The following STX1A variants were observed in gnomAD, a reference collection of about 807,000 sequenced individuals.
The protein encoded by STX1A is syntaxin 1A.
A neutral mutation model predicts 37.8 loss-of-function variants in STX1A; 4 were observed. That is an observed-to-expected ratio of 0.11 (90% CI 0.05 to 0.24). The LOEUF is 0.24. STX1A is among the 10% of genes least tolerant of loss of function. The pLI is 1.00. For synonymous variants in STX1A, 135 were observed against 147.4 expected, an observed-to-expected ratio of 0.92 and a Z score of 0.61; for missense variants, 251 against 399.9, an observed-to-expected ratio of 0.63 and a Z score of 3.18.
In STX1A at chr7:73,700,689, G is replaced by A. The variant is rs1376567346; in HGVS notation, c.789+41C>T. 12 of 1,610,650 alleles carry A rather than the reference G, an allele frequency of 7.5e-6. No individual in the cohort carries two copies. The highest frequency in any genetic ancestry group is 2.2e-5 in the East Asian group (1 of 44,786). ...TGTGGGATGGTTGGGGGTCCCTAATGGGTGCTGGGGCATGGCCTTGGGCAG... is the reference window on the plus strand; with the variant it reads ...TGTGGGATGGTTGGGGGTCCCTAATAGGTGCTGGGGCATGGCCTTGGGCAG... On this transcript the variant is annotated intron_variant, in intron 9 of 9. Transcript: ENST00000222812. This position sits in a 1 kb window ranked among gnomAD's most constrained non-coding sequence, Gnocchi z 4.4.
At chr7:73,713,718 A>G (rs1554618298) in intron 1 of STX1A, among the ~76,000 whole-genome samples, 1 of 152,244 alleles carries the variant, frequency 6.6e-6, no homozygotes, top group Non-Finnish European at 1.5e-5. Flanking sequence ...TGACAGAGCA[A>G]GATCCTGTCT....
Position 73,705,330 on chromosome 7 carries a change from C to T in STX1A, c.209-106G>A. ...GCCCAGTGGGAGGCTCTGGGAAGAT[C>T]CCTGTTCTCCCCTGTTCCCCTGGCT... On this transcript the variant is annotated intron_variant, in intron 3 of 9. Transcript: ENST00000222812. This position sits in a 1 kb window ranked among gnomAD's most constrained non-coding sequence, Gnocchi z 5.2. 1.2e-6 allele frequency: 1 copy of T among 862,358 alleles called. No individual in the cohort carries two copies. The highest frequency in any genetic ancestry group is 1.9e-6 in the Non-Finnish European group (1 of 521,372). 53.4% of individuals were successfully genotyped at this position (862,358 alleles called of 1,614,324 possible).
chr7:73,713,469 C>T (rs1260936922), intron 1 of STX1A, among the ~76,000 whole-genome samples: 1 of 152,204 alleles, frequency 6.6e-6, no homozygotes, highest in Non-Finnish European at 1.5e-5. Flanking sequence ...TGGCTCACGC[C>T]GGTAATCTCA....
chr7:73,714,601 T>C (rs1195011788), intron 1 of STX1A, among the ~76,000 whole-genome samples: 1 of 138,750 alleles, frequency 7.2e-6, no homozygotes, highest in African/African-American at 2.7e-5. Context: ...GGTCTCACTA[T>C]GTTGCTCAGG....
Position 73,699,970 on chromosome 7 carries a change from T to G in STX1A, c.*437A>C. Reference sequence around the variant, plus strand: ...TCCCCTAACCTGAAAAGCAGCACCATGTGGCCAGCTGGTCCCCACCCCTCA... The same window carrying G: ...TCCCCTAACCTGAAAAGCAGCACCAGGTGGCCAGCTGGTCCCCACCCCTCA... On this transcript the variant is annotated 3_prime_UTR_variant, in exon 10 of 10. Coordinates refer to ENST00000222812, the MANE Select transcript of STX1A (RefSeq NM_004603.4). The G allele has an allele frequency of 4.6e-6, 1 of 216,890 alleles. No individual in the cohort carries two copies. The highest frequency in any genetic ancestry group is 9.4e-6 in the Non-Finnish European group (1 of 106,698). The allele number at this position is 216,890 out of a possible 1,614,324, so 13.4% of individuals were successfully genotyped here. A position where few individuals can be genotyped will look rare whatever the true frequency, so the allele number is the denominator to read the frequency against.
chr7:73,710,605 T>C (rs1410891623), intron 1 of STX1A, among the ~76,000 whole-genome samples: 2 of 152,158 alleles, frequency 1.3e-5, no homozygotes, highest in African/African-American at 2.4e-5. Context: ...TTTGTATTTT[T>C]AGTAGAGACA....
intron 3 of STX1A, among the ~76,000 whole-genome samples, chr7:73,707,588 G>T (rs1554617187): frequency 6.6e-6 from 1 of 152,170 alleles, no homozygotes; most frequent in Non-Finnish European, 1.5e-5. Context: ...GAAGCCCAGG[G>T]CTGCAGCCAG....
At chr7:73,708,514 G>T in intron 3 of STX1A, 75 bp downstream of exon 3, 1 of 1,440,510 alleles carries the variant, frequency 6.9e-7, no homozygotes, top group Non-Finnish European at 9.6e-7. Flanking sequence ...CAGAGGTCCC[G>T]TGAGGCCTCC....
chr7:73,704,592 T>C, intron 4 of STX1A, 169 bp from the exon 5 acceptor site: 1 of 761,844 alleles, frequency 1.3e-6, no homozygotes, highest in Non-Finnish European at 2.2e-6. Context: ...CAGAAGCCCT[T>C]CCAGCTGTGA....
At position 73,704,401 on chromosome 7, in the gene STX1A, T is replaced by TTGCTCGATGGAC; in HGVS notation, c.294_305dup (p.Ser99_Gln102dup). On this transcript the variant is annotated inframe_insertion, in exon 5 of 10. Transcript: ENST00000222812. ...CGGAGGAGCGGTTCAGGCCTTCCTC[T>TTGCTCGATGGAC]TGCTCGATGGACTGCTCGATGCCTG... 6.2e-7 allele frequency: 1 copy of TTGCTCGATGGAC among 1,614,120 alleles called. No homozygotes were observed. Among genetic ancestry groups the TTGCTCGATGGAC allele is most frequent in the Non-Finnish European group, 8.5e-7 (1 of 1,180,018 alleles).
chr7:73,703,841 G>C lies in STX1A; in HGVS notation c.467-13C>G, dbSNP rs782139581. 8.7e-6 allele frequency: 14 copies of C among 1,612,138 alleles called. No individual in the cohort carries two copies. The Admixed American group carries it at 1.2e-4, about 13-fold the overall frequency. ...GTGGTCCTGCCGGCTGCAAGCGAGT[G>C]GGGTCACACTGAGCCCAGCCCTCTT... On this transcript the variant is annotated splice_polypyrimidine_tract_variant and intron_variant, in intron 6 of 9. Transcript: ENST00000222812.
In STX1A at chr7:73,700,364, T is replaced by C. The variant is rs1798604971; in HGVS notation, c.*43A>G. 6.2e-7 allele frequency: 1 copy of C among 1,601,564 alleles called. No homozygotes were observed. Among genetic ancestry groups the C allele is most frequent in the Admixed American group, 1.7e-5 (1 of 59,912 alleles). On this transcript the variant is annotated 3_prime_UTR_variant, in exon 10 of 10. Coordinates refer to ENST00000222812, the MANE Select transcript of STX1A (RefSeq NM_004603.4). The surrounding 1 kb of genome is among the most constrained non-coding windows in gnomAD (Gnocchi z 4.4). ...CCAGGTGGCAGCAGCCAGGGCCTCC[T>C]TGGAGTGGCCCACCTGGAGTGGAGT...
Position 73,710,563 on chromosome 7 carries a change from T to C in STX1A, c.31-1441A>G, listed in dbSNP as rs189691469. On this transcript the variant is annotated intron_variant, in intron 1 of 9. Coordinates refer to ENST00000222812, the MANE Select transcript of STX1A (RefSeq NM_004603.4). ...GCCTCAGCCTCCCGAGTAGCTGGGA[T>C]TACAGGTGCATGCCACCATGCCCAG... 3.2e-4 allele frequency among the ~76,000 whole-genome samples: 49 copies of C among 152,252 alleles called. 1 individual carries two copies. In the East Asian group the frequency reaches 4.7e-3, roughly 14 times the overall value.
chr7:73,702,427 G>T lies in STX1A; in HGVS notation c.678+418C>A. The T allele has an allele frequency of 3.0e-6, 1 of 331,622 alleles. No homozygotes were observed. Among genetic ancestry groups the T allele is most frequent in the Admixed American group, 4.6e-5 (1 of 21,784 alleles). The allele number at this position is 331,622 out of a possible 1,614,324, so 20.5% of individuals were successfully genotyped here. A position where few individuals can be genotyped will look rare whatever the true frequency, so the allele number is the denominator to read the frequency against. On this transcript the variant is annotated intron_variant, in intron 8 of 9. Transcript: ENST00000222812. The surrounding 1 kb of genome is among the most constrained non-coding windows in gnomAD (Gnocchi z 4.7). ...TCCTCCAGGTGACTCATTCAAGTTT[G>T]AGCCCCACTGGAGAACCTTCGATTT...
At position 73,704,047 on chromosome 7, in the gene STX1A, C is replaced by G. The variant is rs1038726015; in HGVS notation, c.466+101G>C. 5 of 1,344,000 alleles carry G rather than the reference C, an allele frequency of 3.7e-6. No homozygotes were observed. In the Admixed American group the frequency reaches 1.1e-4, roughly 30 times the overall value. The allele number at this position is 1,344,000 out of a possible 1,614,324, so 83.3% of individuals were successfully genotyped here. Reference sequence around the variant, plus strand: ...GCTGCCTCGGGCCACCCGCCTCGGGCCCCTAACTAAGCAGCAGCCTTGAGC... The same window carrying G: ...GCTGCCTCGGGCCACCCGCCTCGGGGCCCTAACTAAGCAGCAGCCTTGAGC... On this transcript the variant is annotated intron_variant, in intron 6 of 9. Coordinates refer to ENST00000222812, the MANE Select transcript of STX1A (RefSeq NM_004603.4).
At chr7:73,711,658 G>A (rs1799107991) in intron 1 of STX1A, among the ~76,000 whole-genome samples, 1 of 152,116 alleles carries the variant, frequency 6.6e-6, no homozygotes, top group South Asian at 2.1e-4. Flanking sequence ...TCCTCCTCCT[G>A]GGCAGGCTGC....
At chr7:73,711,387 G>A (rs1248003675) in intron 1 of STX1A, 8 of 153,688 alleles carry the variant, frequency 5.2e-5, no homozygotes, top group Admixed American at 2.0e-4. Context: ...TAGGAGCTTT[G>A]ATAGAGGCGG....
intron 1 of STX1A, among the ~76,000 whole-genome samples, chr7:73,715,386 C>T (rs569300797): frequency 2.0e-5 from 3 of 152,006 alleles, no homozygotes; most frequent in African/African-American, 7.2e-5. Flanking sequence ...GGCACCATTG[C>T]ACTCCAGCCT....
In STX1A at chr7:73,709,345, T is replaced by C. The variant is rs1443328682; in HGVS notation, c.31-223A>G. Reference sequence around the variant, plus strand: ...AGAGGAACCTTGCCTGATACACTGGTGTCAAGGCCAAGTCTCAGCCTCTGG... The same window carrying C: ...AGAGGAACCTTGCCTGATACACTGGCGTCAAGGCCAAGTCTCAGCCTCTGG... On this transcript the variant is annotated intron_variant, in intron 1 of 9. Coordinates refer to ENST00000222812, the MANE Select transcript of STX1A (RefSeq NM_004603.4). The surrounding 1 kb of genome is among the most constrained non-coding windows in gnomAD (Gnocchi z 4.2). 6.6e-6 allele frequency among the ~76,000 whole-genome samples: 1 copy of C among 151,982 alleles called. No individual in the cohort carries two copies. Among genetic ancestry groups the C allele is most frequent in the South Asian group, 2.1e-4 (1 of 4,820 alleles).
Sources: gnomAD v4.1 joint callset for allele counts (sites outside exome capture counted in the v4.1 genomes callset) on GRCh38, gnomAD v4.1.1 for gene constraint, Gnocchi (gnomAD v3.1) non-coding constraint, MANE v1.5 for transcripts, NCBI Gene and HGNC (gene_info 2026-07-23, HGNC 2026-07-21) for gene names.